GSK3B: variants seen among roughly 807,000 people sequenced by gnomAD.
GSK3B encodes the protein glycogen synthase kinase-3 beta.
In GSK3B, 15 loss-of-function variants were observed where a neutral mutation model predicts 56.4. That is an observed-to-expected ratio of 0.27 (90% CI 0.18 to 0.41). GSK3B has a LOEUF of 0.41. GSK3B is among the 10% of genes least tolerant of loss of function. The pLI is 1.00. For synonymous variants in GSK3B, 181 were observed against 188.9 expected (o/e 0.96, Z 0.34); for missense variants, 300 against 513.4 (o/e 0.58, Z 4.02).
chr3:119,936,906 G>A (rs9857139), intron 3 of GSK3B, among the ~76,000 whole-genome samples: 2,663 of 151,996 alleles, frequency 0.018, 118 homozygotes, highest in African/African-American at 0.061. Context: ...TACATATACA[G>A]AATACAGCCA....
intron 2 of GSK3B, among the ~76,000 whole-genome samples, chr3:119,993,203 AAAGT>A (rs1412050536): frequency 7.9e-5 from 12 of 152,098 alleles, no homozygotes; most frequent in Admixed American, 7.2e-4. Context: ...AAACTGAGGA[AAAGT>A]AAGCCAGAAC....
chr3:120,022,154 GC>G (rs2107510887), intron 1 of GSK3B, among the ~76,000 whole-genome samples: 1 of 152,286 alleles, frequency 6.6e-6, no homozygotes, highest in East Asian at 1.9e-4. Flanking sequence ...TAAACAATTG[GC>G]ACAGCCACCC....
intron 3 of GSK3B, among the ~76,000 whole-genome samples, chr3:119,931,887 G>A (rs1261493492): frequency 1.3e-5 from 2 of 152,036 alleles, no homozygotes; most frequent in Non-Finnish European, 2.9e-5. Flanking sequence ...CTATGACTCA[G>A]TTTTCCTAGT....
In GSK3B at chr3:120,066,548, A is replaced by G. The variant is rs566380761; in HGVS notation, c.88+26799T>C. ...TGTTTCTGTCAAATGCTAAAGAATC[A>G]AGACTTACCCTGCTTTTTCTTAGGA... On this transcript the variant is annotated intron_variant, in intron 1 of 10. Coordinates refer to ENST00000264235, the MANE Select transcript of GSK3B (RefSeq NM_001146156.2). Among the ~76,000 whole-genome samples the G allele has an allele frequency of 4.9e-4, 75 of 152,326 alleles. No homozygotes were observed. In the Middle Eastern group the frequency reaches 0.01, roughly 21 times the overall value.
intron 1 of GSK3B, among the ~76,000 whole-genome samples, chr3:120,047,539 T>C (rs867501642): frequency 3.3e-4 from 50 of 152,206 alleles, no homozygotes; most frequent in African/African-American, 1.1e-3. Flanking sequence ...AGATTTATGA[T>C]CTATCCTCAA....
intron 8 of GSK3B, among the ~76,000 whole-genome samples, chr3:119,864,832 T>C (rs146584293): frequency 1.3e-5 from 2 of 152,238 alleles, no homozygotes; most frequent in African/African-American, 2.4e-5. Context: ...TAATTTATTA[T>C]TGAAAAAGAC....
At chr3:119,863,863 T>C (rs1302355963) in intron 8 of GSK3B, among the ~76,000 whole-genome samples, 1 of 152,156 alleles carries the variant, frequency 6.6e-6, no homozygotes, top group South Asian at 2.1e-4. Flanking sequence ...GCATACAAAA[T>C]ATGACAGGCA....
intron 2 of GSK3B, among the ~76,000 whole-genome samples, chr3:119,970,394 A>C (rs1037345120): frequency 2.6e-5 from 4 of 152,186 alleles, no homozygotes; most frequent in Admixed American, 1.3e-4. Context: ...ACAATGAAAT[A>C]CCACTATACA....
chr3:119,855,942 C>G (rs540559321), intron 9 of GSK3B, among the ~76,000 whole-genome samples: 8 of 152,126 alleles, frequency 5.3e-5, no homozygotes, highest in Non-Finnish European at 7.4e-5. Context: ...CAAACCTGCA[C>G]GTTGTGCACA....
chr3:119,905,731 A>T (rs1439498746), intron 7 of GSK3B, 24 bp downstream of exon 7: 2 of 1,271,174 alleles, frequency 1.6e-6, no homozygotes, highest in Middle Eastern at 1.8e-4. Flanking sequence ...TTCCAGTTCA[A>T]ATATTCTGAT....
At chr3:119,942,213 A>G (rs1471896664) in intron 3 of GSK3B, among the ~76,000 whole-genome samples, 3 of 152,256 alleles carry the variant, frequency 2.0e-5, no homozygotes, top group Admixed American at 2.0e-4. Context: ...ATGAAAAGTT[A>G]CTTAGAGAAG....
At chr3:119,852,388 G>A (rs2055942890) in intron 9 of GSK3B, among the ~76,000 whole-genome samples, 1 of 151,276 alleles carries the variant, frequency 6.6e-6, no homozygotes, top group Non-Finnish European at 1.5e-5. Flanking sequence ...TCGCTCTGCT[G>A]CCTAGGCTGG....
intron 8 of GSK3B, among the ~76,000 whole-genome samples, chr3:119,864,551 T>A (rs931254545): frequency 2.0e-5 from 3 of 151,710 alleles, no homozygotes; most frequent in South Asian, 2.1e-4. Flanking sequence ...TACAACGAAA[T>A]AAAAGGTGTG....
rs115099589 is a variant in GSK3B at position 119,885,406 on chromosome 3, T to C, written c.814-8898A>G. On this transcript the variant is annotated intron_variant, in intron 7 of 10. Transcript: ENST00000264235. ...TGGAAAAGCATTCCATGCTCATGGATTGGAAGAATCAGTACTGTTAAAACG... is the reference window on the plus strand; with the variant it reads ...TGGAAAAGCATTCCATGCTCATGGACTGGAAGAATCAGTACTGTTAAAACG... 3.8e-3 allele frequency among the ~76,000 whole-genome samples: 580 copies of C among 152,192 alleles called. 5 individuals are homozygous for C. Among genetic ancestry groups the C allele is most frequent in the African/African-American group, 0.014 (568 of 41,532 alleles).
At chr3:119,993,124 T>C (rs1411912238) in intron 2 of GSK3B, among the ~76,000 whole-genome samples, 8 of 146,454 alleles carry the variant, frequency 5.5e-5, no homozygotes, top group Admixed American at 1.4e-4. Flanking sequence ...GTCTCCAATA[T>C]GCTACCTCCT....
intron 10 of GSK3B, among the ~76,000 whole-genome samples, chr3:119,830,911 G>T (rs2055588472): frequency 6.6e-6 from 1 of 152,056 alleles, no homozygotes; most frequent in African/African-American, 2.4e-5. Flanking sequence ...TTCAATAGAT[G>T]GGAAGGTAAA....
At chr3:119,870,630 G>A (rs1270222701) in intron 8 of GSK3B, among the ~76,000 whole-genome samples, 1 of 152,114 alleles carries the variant, frequency 6.6e-6, no homozygotes, top group African/African-American at 2.4e-5. Flanking sequence ...ATAAAAAAGT[G>A]AGGTCTACTA....
chr3:120,005,122 T>C (rs2057715439), intron 1 of GSK3B, among the ~76,000 whole-genome samples: 1 of 151,796 alleles, frequency 6.6e-6, no homozygotes, highest in African/African-American at 2.4e-5. Context: ...GAGAACATGG[T>C]GAAGCATACA....
chr3:119,924,999 T>C (rs2056876795), intron 3 of GSK3B, among the ~76,000 whole-genome samples: 2 of 152,178 alleles, frequency 1.3e-5, no homozygotes, highest in Admixed American at 1.3e-4. Flanking sequence ...AACCTCTAAT[T>C]ATGCTGACTG....
Sources: gnomAD v4.1 joint callset for allele counts (sites outside exome capture counted in the v4.1 genomes callset) on GRCh38, gnomAD v4.1.1 for gene constraint, MANE v1.5 for transcripts, NCBI Gene and HGNC (gene_info 2026-07-23, HGNC 2026-07-21) for gene names.